The following KIF1B variants were observed in gnomAD, a reference collection of about 807,000 sequenced individuals.
KIF1B encodes the protein kinesin family member 1B.
In KIF1B, 76 loss-of-function variants were observed where a neutral mutation model predicts 241.9. The ratio of observed to expected loss-of-function variants is 0.31; its 90% confidence interval spans 0.26 to 0.38. KIF1B has a LOEUF of 0.38. KIF1B is among the 10% of genes least tolerant of loss of function. KIF1B has a pLI of 1.00. For synonymous variants in KIF1B, 750 were observed against 796.7 expected (o/e 0.94, Z 0.99); for missense variants, 1,622 against 2,271.4 (o/e 0.71, Z 5.81).
At chr1:10,245,240 C>T (rs1428227292) in intron 2 of KIF1B, among the ~76,000 whole-genome samples, 2 of 152,110 alleles carry the variant, frequency 1.3e-5, no homozygotes, top group East Asian at 3.8e-4. Flanking sequence ...GCTAAAGTAG[C>T]AAAGTTGTGA....
At chr1:10,331,959 A>G (rs1651957423) in intron 27 of KIF1B, among the ~76,000 whole-genome samples, 1 of 140,956 alleles carries the variant, frequency 7.1e-6, no homozygotes, top group East Asian at 2.1e-4. Flanking sequence ...TGTTAGAGCT[A>G]TAATTTAGCT....
chr1:10,327,996 G>A (rs78950226), intron 27 of KIF1B, among the ~76,000 whole-genome samples: 2,897 of 152,224 alleles, frequency 0.019, 42 homozygotes, highest in Non-Finnish European at 0.028. Flanking sequence ...AGACCAGAGT[G>A]GGCAACATAG....
chr1:10,311,327 G>T (rs1384680449), intron 22 of KIF1B, among the ~76,000 whole-genome samples: 3 of 149,494 alleles, frequency 2.0e-5, no homozygotes, highest in Non-Finnish European at 4.4e-5. Flanking sequence ...TAATTCTCCT[G>T]CCTCCTGAGT....
rs1217399847 is a variant in KIF1B at position 10,375,090 on chromosome 1, T to C, written c.5289+44T>C. The C allele has an allele frequency of 4.4e-6, 7 of 1,595,732 alleles. No homozygotes were observed. The African/African-American group carries it at 5.4e-5, about 12-fold the overall frequency. On this transcript the variant is annotated intron_variant, in intron 47 of 48. Coordinates refer to ENST00000676179, the MANE Select transcript of KIF1B (RefSeq NM_001365951.3). ...TGGTTTCTTATTGCCACGTGTGCCC[T>C]TCTCTTTTGATTTCTGCACTCTCTG...
intron 22 of KIF1B, chr1:10,306,088 C>G: frequency 2.9e-6 from 3 of 1,042,280 alleles, no homozygotes; most frequent in Non-Finnish European, 2.3e-6. Context: ...TATTTTTAAT[C>G]ATAGTATTTT....
chr1:10,341,647 A>G (rs1652396724), intron 32 of KIF1B, among the ~76,000 whole-genome samples: 1 of 152,206 alleles, frequency 6.6e-6, no homozygotes. Flanking sequence ...CTGCATAGTA[A>G]AATACCCAGC....
intron 17 of KIF1B, among the ~76,000 whole-genome samples, chr1:10,292,527 AG>A (rs921521349): frequency 6.6e-5 from 10 of 152,154 alleles, no homozygotes; most frequent in Non-Finnish European, 1.3e-4. Flanking sequence ...TCAGCTGTAC[AG>A]GTTTGTGGAG....
chr1:10,309,356 A>G (rs1248908924), intron 22 of KIF1B, among the ~76,000 whole-genome samples: 1 of 152,138 alleles, frequency 6.6e-6, no homozygotes, highest in Non-Finnish European at 1.5e-5. Context: ...CAATGTCCCT[A>G]CCGTTTATAG....
intron 22 of KIF1B, among the ~76,000 whole-genome samples, chr1:10,309,851 T>C (rs1212848749): frequency 6.6e-6 from 1 of 151,556 alleles, no homozygotes; most frequent in Non-Finnish European, 1.5e-5. Flanking sequence ...GCTGCTTACC[T>C]ACCACTCTTA....
chr1:10,323,263 A>C (rs766033160), intron 24 of KIF1B, among the ~76,000 whole-genome samples: 1 of 152,182 alleles, frequency 6.6e-6, no homozygotes, highest in Non-Finnish European at 1.5e-5. Context: ...CTAGATATGC[A>C]TTTTGTGGTC....
At chr1:10,347,704 C>A in intron 35 of KIF1B, 57 bp from the exon 36 acceptor site, 1 of 1,420,840 alleles carries the variant, frequency 7.0e-7, no homozygotes, top group Non-Finnish European at 9.9e-7. Context: ...CCACCAGGGG[C>A]TAAGCCTTGC....
chr1:10,225,830 G>A (rs992696119), intron 1 of KIF1B, among the ~76,000 whole-genome samples: 4 of 152,214 alleles, frequency 2.6e-5, no homozygotes, highest in African/African-American at 9.6e-5. Flanking sequence ...GCCATTGTGG[G>A]GAGTTCAGTC....
Position 10,295,119 on chromosome 1 carries a change from C to T in KIF1B, c.1624C>T (p.Leu542=). 2 of 1,609,274 alleles carry T rather than the reference C, an allele frequency of 1.2e-6. No individual in the cohort carries two copies. The highest frequency in any genetic ancestry group is 8.5e-7 in the Non-Finnish European group (1 of 1,175,620). ...PHLVNLNEDP[L]MSECLLYYIK... ...TCTTGTTAACCTCAATGAAGACCCA[C>T]TAATGTCTGAGTGCCTACTTTATTA... The change falls in exon 18 of 49, where the codon CTA becomes TTA. Residue 542 remains leucine, a synonymous_variant. Coordinates refer to ENST00000676179, the MANE Select transcript of KIF1B (RefSeq NM_001365951.3).
At position 10,303,012 on chromosome 1, in the gene KIF1B, T is replaced by G. The variant is rs1650617612; in HGVS notation, c.2115+5766T>G. On this transcript the variant is annotated intron_variant, in intron 22 of 48. Coordinates refer to ENST00000676179, the MANE Select transcript of KIF1B (RefSeq NM_001365951.3). This position sits in a 1 kb window ranked among gnomAD's most constrained non-coding sequence, Gnocchi z 5.2. ...GACTTCCACATTATTGAGGGGTTTT[T>G]TTTGGTTTTGTTTTGTTTTTTAGTT... 1 of 856,396 alleles carries G rather than the reference T, an allele frequency of 1.2e-6. No homozygotes were observed. Among genetic ancestry groups the G allele is most frequent in the Non-Finnish European group, 1.8e-6 (1 of 559,976 alleles). 53.0% of individuals were successfully genotyped at this position (856,396 alleles called of 1,614,324 possible).
chr1:10,265,295 C>T lies in KIF1B; in HGVS notation c.430-2085C>T, dbSNP rs539165496. Among the ~76,000 whole-genome samples, 6 of 151,344 alleles carry T rather than the reference C, an allele frequency of 4.0e-5. No homozygotes were observed. In the South Asian group the frequency reaches 6.3e-4, roughly 16 times the overall value. On this transcript the variant is annotated intron_variant, in intron 5 of 48. Transcript: ENST00000676179. ...TGTCACCCAGGCTGGAGTGCAGTGG[C>T]GTGATCTCAGCTCACTGCATCCCCA...
At chr1:10,325,082 A>G (rs1232020898) in intron 26 of KIF1B, among the ~76,000 whole-genome samples, 187 bp downstream of exon 26, 3 of 152,196 alleles carry the variant, frequency 2.0e-5, no homozygotes, top group African/African-American at 7.2e-5. Context: ...TTCAGCAGGC[A>G]TTTTTGTTTC....
chr1:10,304,894 C>G, intron 22 of KIF1B: 2 of 1,357,870 alleles, frequency 1.5e-6, no homozygotes, highest in Non-Finnish European at 1.9e-6. Flanking sequence ...AAACGTTCCT[C>G]CTTTTTTAGT....
Position 10,306,354 on chromosome 1 carries a change from C to G in KIF1B, c.2115+9108C>G, listed in dbSNP as rs1270670098. On this transcript the variant is annotated intron_variant, in intron 22 of 48. Coordinates refer to ENST00000676179, the MANE Select transcript of KIF1B (RefSeq NM_001365951.3). ...ATAGGCTGCTTCAAATCAGTCACTT[C>G]AATGCATTTTGTGTAAACCCAGTTG... 3.8e-6 allele frequency: 4 copies of G among 1,046,606 alleles called. No individual in the cohort carries two copies. The African/African-American group carries it at 5.0e-5, about 13-fold the overall frequency. 64.8% of individuals were successfully genotyped at this position (1,046,606 alleles called of 1,614,324 possible).
intron 27 of KIF1B, among the ~76,000 whole-genome samples, chr1:10,327,724 G>A (rs931051050): frequency 7.9e-5 from 12 of 152,072 alleles, no homozygotes; most frequent in Admixed American, 2.6e-4. Flanking sequence ...AGTAGAGCAT[G>A]CATTGAATTA....
Sources: gnomAD v4.1 joint callset for allele counts (sites outside exome capture counted in the v4.1 genomes callset) on GRCh38, gnomAD v4.1.1 for gene constraint, Gnocchi (gnomAD v3.1) non-coding constraint, MANE v1.5 for transcripts, NCBI Gene and HGNC (gene_info 2026-07-23, HGNC 2026-07-21) for gene names.